The following PLBD2 variants were observed in gnomAD, a reference collection of about 807,000 sequenced individuals.
PLBD2 encodes the protein phospholipase B domain containing 2.
A neutral mutation model predicts 68.3 loss-of-function variants in PLBD2; 51 were observed. That is an observed-to-expected ratio of 0.75 (90% CI 0.60 to 0.94). The LOEUF (loss-of-function observed/expected upper bound fraction) is 0.94, where lower values mean the gene tolerates loss of function less well. Among genes scored for constraint, PLBD2 ranks in the 40% least tolerant of loss-of-function variants. The pLI is 0.00. For synonymous variants in PLBD2, 314 were observed against 339.3 expected (o/e 0.93, Z 0.82); for missense variants, 729 against 792.2 (o/e 0.92, Z 0.96).
In PLBD2 at chr12:113,379,858, A is replaced by G. The variant is rs1052762568; in HGVS notation, c.860-887A>G. 5.9e-5 allele frequency among the ~76,000 whole-genome samples: 9 copies of G among 152,286 alleles called. 1 individual carries two copies. Among genetic ancestry groups the G allele is most frequent in the Non-Finnish European group, 7.4e-5 (5 of 68,026 alleles). ...GAACAAAATATTTATCTGTTTGTCT[A>G]TCTATCTGAGTATATATATTTAACA... On this transcript the variant is annotated intron_variant, in intron 5 of 11. Transcript: ENST00000280800.
chr12:113,363,608 G>C (rs571286932), intron 1 of PLBD2, among the ~76,000 whole-genome samples: 501 of 150,842 alleles, frequency 3.3e-3, no homozygotes, highest in Non-Finnish European at 4.9e-3. Flanking sequence ...CGCGATTTCG[G>C]GTCGCTGCAA....
intron 9 of PLBD2, among the ~76,000 whole-genome samples, chr12:113,386,542 C>T (rs1404132132): frequency 6.7e-6 from 1 of 148,616 alleles, no homozygotes; most frequent in Non-Finnish European, 1.5e-5. Flanking sequence ...TTTTTTGAGA[C>T]GGAGTCTCGC....
At chr12:113,370,297 G>A (rs1957377381) in intron 2 of PLBD2, among the ~76,000 whole-genome samples, 2 of 152,032 alleles carry the variant, frequency 1.3e-5, no homozygotes, top group South Asian at 4.1e-4. Context: ...CATTTAGGGT[G>A]GTGGGTGCCT....
intron 1 of PLBD2, among the ~76,000 whole-genome samples, chr12:113,368,132 C>T (rs540173265): frequency 6.6e-6 from 1 of 152,230 alleles, no homozygotes; most frequent in South Asian, 2.1e-4. Context: ...TGATCAGAAC[C>T]TGCCTTCTAA....
At position 113,383,817 on chromosome 12, in the gene PLBD2, G is replaced by A. The variant is rs545062497; in HGVS notation, c.958-288G>A. 2.6e-5 allele frequency among the ~76,000 whole-genome samples: 4 copies of A among 151,626 alleles called. No individual in the cohort carries two copies. The East Asian group carries it at 7.9e-4, about 30-fold the overall frequency. On this transcript the variant is annotated intron_variant, in intron 6 of 11. Coordinates refer to ENST00000280800, the MANE Select transcript of PLBD2 (RefSeq NM_173542.4). ...GGAGTTAGACCAGCCTAGCCAACAT[G>A]GAGAAACCCTGCCTCTACTAAAAAT... is the stretch of plus-strand genomic sequence containing the variant.
At chr12:113,363,606 C>T (rs1289880813) in intron 1 of PLBD2, among the ~76,000 whole-genome samples, 1 of 136,830 alleles carries the variant, frequency 7.3e-6, no homozygotes, top group African/African-American at 2.8e-5. Context: ...GGCGCGATTT[C>T]GGGTCGCTGC....
intron 1 of PLBD2, chr12:113,359,195 A>G (rs1957263814): frequency 1.4e-5 from 5 of 366,664 alleles, no homozygotes; most frequent in African/African-American, 2.2e-5. Flanking sequence ...GATCAGGTCC[A>G]TGGCTGGTGG....
chr12:113,387,832 G>T lies in PLBD2; in HGVS notation c.1528G>T (p.Asp510Tyr). ...GGAGAATGCTATCTCCGCCCGCTCC[G>T]ACCTCAACCCGGCCAATGGCTCCTA... is the stretch of plus-strand genomic sequence containing the variant. Reference protein sequence around the residue: ...NGENAISARSDLNPANGSYPF... With the variant: ...NGENAISARSYLNPANGSYPF... Residue 510 changes from aspartate to tyrosine, a missense_variant, in exon 11 of 12, where the codon GAC becomes TAC. Physicochemically the swap from Asp to Tyr is radical, Grantham distance 160. Coordinates refer to ENST00000280800, the MANE Select transcript of PLBD2 (RefSeq NM_173542.4). 1 of 1,614,162 alleles carries T rather than the reference G, an allele frequency of 6.2e-7. No individual in the cohort carries two copies. The highest frequency in any genetic ancestry group is 8.5e-7 in the Non-Finnish European group (1 of 1,180,014).
intron 6 of PLBD2, among the ~76,000 whole-genome samples, chr12:113,381,090 C>T (rs1464875254): frequency 3.3e-5 from 5 of 152,124 alleles, no homozygotes; most frequent in Non-Finnish European, 5.9e-5. Context: ...ACATAGACCC[C>T]CAGGCCCCGC....
intron 5 of PLBD2, among the ~76,000 whole-genome samples, chr12:113,379,495 C>T (rs144459388): frequency 1.3e-5 from 2 of 152,240 alleles, no homozygotes; most frequent in African/African-American, 4.8e-5. Flanking sequence ...TGATAATTCT[C>T]TGCCCCCATG....
chr12:113,372,640 A>T lies in PLBD2; in HGVS notation c.385-9A>T. On this transcript the variant is annotated splice_polypyrimidine_tract_variant and intron_variant, in intron 2 of 11. Coordinates refer to ENST00000280800, the MANE Select transcript of PLBD2 (RefSeq NM_173542.4). The surrounding 1 kb of genome is among the most constrained non-coding windows in gnomAD (Gnocchi z 4.2). ...CCCGCCCTTGCCTCGCCCACCCCCT[A>T]CCCCACAGCTCATCTACATGCACTG... 1 of 1,611,526 alleles carries T rather than the reference A, an allele frequency of 6.2e-7. No individual in the cohort carries two copies. The highest frequency in any genetic ancestry group is 2.2e-5 in the East Asian group (1 of 44,810).
intron 11 of PLBD2, among the ~76,000 whole-genome samples, chr12:113,388,248 A>G (rs1957573026): frequency 6.6e-6 from 1 of 152,066 alleles, no homozygotes; most frequent in Non-Finnish European, 1.5e-5. Flanking sequence ...AGGCTGAGGC[A>G]TGAGAATTGC....
In PLBD2 at chr12:113,372,732, G is replaced by C. The variant is rs1957400173; in HGVS notation, c.468G>C (p.Lys156Asn). The C allele has an allele frequency of 6.2e-7, 1 of 1,614,016 alleles. No individual in the cohort carries two copies. The change falls in exon 3 of 12, where the codon AAG becomes AAC. Residue 156 changes from lysine to asparagine, a missense_variant. Coordinates refer to ENST00000280800, the MANE Select transcript of PLBD2 (RefSeq NM_173542.4). The surrounding 1 kb of genome is among the most constrained non-coding windows in gnomAD (Gnocchi z 4.2). ...AAGTCGGCTACTGCGAGAGGCTGAA[G>C]AGCTTCCTGGAGGCCAACCTAGAGT... ...EYEVGYCERL[K>N]SFLEANLEWM...
rs145564746 is a variant in PLBD2 at position 113,374,841 on chromosome 12, C to T, written c.693C>T (p.Asn231=). ...GDLEDLELAL[N]KTKIKPSLGS... ...TGGAAGACCTGGAGCTGGCCCTGAA[C>T]AAGACCAAGATCAAACCTTCTCTGG... The change falls in exon 5 of 12, where the codon AAC becomes AAT. Residue 231 remains asparagine (N), a synonymous_variant. Transcript: ENST00000280800. 2.1e-3 allele frequency: 3,456 copies of T among 1,613,870 alleles called. 8 individuals are homozygous for T. The highest frequency in any genetic ancestry group is 2.4e-3 in the Non-Finnish European group (2,889 of 1,180,028).
At chr12:113,382,583 A>G (rs974307646) in intron 6 of PLBD2, among the ~76,000 whole-genome samples, 3 of 151,824 alleles carry the variant, frequency 2.0e-5, no homozygotes, top group African/African-American at 4.8e-5. Context: ...AACTGGAACT[A>G]TAGGCGCCTG....
Position 113,388,680 on chromosome 12 carries a change from C to A in PLBD2, c.*54C>A. On this transcript the variant is annotated 3_prime_UTR_variant, in exon 12 of 12. Transcript: ENST00000280800. ...CCCTGCTGACCCTCGTCAGGGTCAC[C>A]CCCGTCCCAAGGCCACCGGACTTCT... The A allele has an allele frequency of 2.7e-6, 4 of 1,497,588 alleles. No individual in the cohort carries two copies. Among genetic ancestry groups the A allele is most frequent in the South Asian group, 1.4e-5 (1 of 73,706 alleles). 92.8% of individuals were successfully genotyped at this position (1,497,588 alleles called of 1,614,324 possible).
intron 1 of PLBD2, among the ~76,000 whole-genome samples, chr12:113,359,916 G>A (rs1461761830): frequency 1.3e-5 from 2 of 152,038 alleles, no homozygotes; most frequent in African/African-American, 2.4e-5. Flanking sequence ...GGGTGCATCC[G>A]TCATATCCTA....
At chr12:113,367,251 A>G (rs1957349538) in intron 1 of PLBD2, among the ~76,000 whole-genome samples, 1 of 152,264 alleles carries the variant, frequency 6.6e-6, no homozygotes, top group African/African-American at 2.4e-5. Context: ...CAATAAAAAT[A>G]AGAAAATATA....
chr12:113,387,792 C>T lies in PLBD2; in HGVS notation c.1488C>T (p.Asn496=). The change falls in exon 11 of 12, where the codon AAC becomes AAT. Residue 496 remains asparagine, a synonymous_variant. Coordinates refer to ENST00000280800, the MANE Select transcript of PLBD2 (RefSeq NM_173542.4). ...CTCTGTCACTGTGCAAAGCCTGCAA[C>T]CCCCAGCCCAATGGGGAGAATGCTA... ...HDPLSLCKAC[N]PQPNGENAIS... The T allele has an allele frequency of 6.2e-7, 1 of 1,614,148 alleles. No individual in the cohort carries two copies. Among genetic ancestry groups the T allele is most frequent in the Non-Finnish European group, 8.5e-7 (1 of 1,179,996 alleles).
Sources: gnomAD v4.1 joint callset for allele counts (sites outside exome capture counted in the v4.1 genomes callset) on GRCh38, gnomAD v4.1.1 for gene constraint, Gnocchi (gnomAD v3.1) non-coding constraint, MANE v1.5 for transcripts, NCBI Gene and HGNC (gene_info 2026-07-23, HGNC 2026-07-21) for gene names.